The following CACNA1E variants were observed in gnomAD, a reference collection of about 807,000 sequenced individuals.
CACNA1E encodes calcium voltage-gated channel subunit alpha1 E, also known as voltage-dependent R-type calcium channel subunit alpha-1E.
CACNA1E carries 40 observed loss-of-function variants against 259.2 expected under a neutral mutation model. The ratio of observed to expected loss-of-function variants is 0.15; its 90% confidence interval spans 0.12 to 0.20. CACNA1E has a LOEUF of 0.20. Ranked by LOEUF, CACNA1E falls within the 10% of genes least tolerant of loss-of-function variation. The pLI is 1.00. For synonymous variants in CACNA1E, 1,104 were observed against 1,138.5 expected (o/e 0.97, Z 0.61); for missense variants, 1,874 against 3,040.1 (o/e 0.62, Z 9.02).
Position 181,793,745 on chromosome 1 carries a change from G to A in CACNA1E, c.5979G>A (p.Ala1993=), listed in dbSNP as rs201021616. 35 of 1,611,440 alleles carry A rather than the reference G, an allele frequency of 2.2e-5. 2 individuals are homozygous for A. Among genetic ancestry groups the A allele is most frequent in the East Asian group, 8.9e-5 (4 of 44,854 alleles). ...TTCCTTCGGACACCCAGGAGCATGC[G>A]GGATCTGGGAGGGCATCTTCTATGC... ...IYLPSDTQEH[A]GSGRASSMPR... is the part of the protein sequence containing the mutation. Residue 1993 remains alanine, a synonymous_variant, in exon 45 of 48, where the codon GCG becomes GCA. Transcript: ENST00000367573.
intron 2 of CACNA1E, among the ~76,000 whole-genome samples, chr1:181,414,731 T>A (rs1013826699): frequency 2.0e-5 from 3 of 152,226 alleles, no homozygotes; most frequent in African/African-American, 4.8e-5. Context: ...ATGTAACCAA[T>A]GAGGCACAGA....
At chr1:181,765,838 C>T (rs796936883) in intron 34 of CACNA1E, among the ~76,000 whole-genome samples, 2 of 152,334 alleles carry the variant, frequency 1.3e-5, no homozygotes, top group South Asian at 2.1e-4. Flanking sequence ...CAGTTCCCTG[C>T]CTCATATCTC....
intron 15 of CACNA1E, among the ~76,000 whole-genome samples, chr1:181,721,364 G>T (rs780940142): frequency 9.9e-5 from 15 of 152,168 alleles, no homozygotes; most frequent in Non-Finnish European, 1.9e-4. Flanking sequence ...TTCCTGAACT[G>T]CAGCCCACAA....
chr1:181,458,077 C>A (rs1370346166), intron 2 of CACNA1E, among the ~76,000 whole-genome samples: 1 of 152,214 alleles, frequency 6.6e-6, no homozygotes, highest in African/African-American at 2.4e-5. Flanking sequence ...CTTTTCCTGC[C>A]TTTATAGCAG....
chr1:181,576,273 ACC>A (rs1021558935), intron 3 of CACNA1E, among the ~76,000 whole-genome samples: 7 of 152,230 alleles, frequency 4.6e-5, no homozygotes, highest in African/African-American at 1.7e-4. Flanking sequence ...AATAACCTTT[ACC>A]CCATGTAGGA....
chr1:181,440,294 C>T (rs75196554), intron 2 of CACNA1E, among the ~76,000 whole-genome samples: 1,846 of 152,258 alleles, frequency 0.012, 34 homozygotes, highest in African/African-American at 0.039. Context: ...AACCTTACAT[C>T]AGTGATACCC....
intron 6 of CACNA1E, among the ~76,000 whole-genome samples, chr1:181,644,762 G>C (rs1224812834): frequency 1.3e-5 from 2 of 152,188 alleles, no homozygotes; most frequent in African/African-American, 4.8e-5. Flanking sequence ...ACTAGGCAAA[G>C]CCTCAGCCTG....
chr1:181,362,128 C>T (rs1394963281), intron 1 of CACNA1E, among the ~76,000 whole-genome samples: 1 of 152,194 alleles, frequency 6.6e-6, no homozygotes, highest in African/African-American at 2.4e-5. Flanking sequence ...CCTTAATGGA[C>T]CTTTTTCCAG....
chr1:181,701,415 C>T (rs1652244012), intron 7 of CACNA1E, among the ~76,000 whole-genome samples: 1 of 151,976 alleles, frequency 6.6e-6, no homozygotes, highest in Admixed American at 6.6e-5. Flanking sequence ...ATGAAATGCT[C>T]TTACTTCCCT....
chr1:181,748,817 G>T (rs748540585), intron 25 of CACNA1E, among the ~76,000 whole-genome samples: 6 of 152,128 alleles, frequency 3.9e-5, no homozygotes, highest in African/African-American at 1.2e-4. Context: ...AGTTTCAAAA[G>T]GTTGGCAACC....
chr1:181,680,105 C>CAAAAAA (rs56198008), intron 7 of CACNA1E, among the ~76,000 whole-genome samples: 1 of 78,504 alleles, frequency 1.3e-5, no homozygotes, highest in Admixed American at 1.5e-4. Flanking sequence ...GACCTTGTCT[C>CAAAAAA]AAAAAAAAAA....
At chr1:181,508,842 C>T (rs959203664) in intron 1 of CACNA1E, among the ~76,000 whole-genome samples, 1 of 152,046 alleles carries the variant, frequency 6.6e-6, no homozygotes, top group East Asian at 1.9e-4. Context: ...TGGGGAGGCT[C>T]CCCTCTGAGT....
In CACNA1E at chr1:181,758,052, T is replaced by C; in HGVS notation, c.4435T>C (p.Ser1479Pro). ...YRVWHFVVSP[S>P]FEYTIMAMIA... ...CGTGTGGCACTTTGTGGTGTCTCCG[T>C]CCTTTGAGTACACCATTATGGCCAT... Residue 1479 changes from serine to proline, a missense_variant, in exon 31 of 48, where the codon TCC (serine) becomes CCC (proline). Around this residue, in one of 14 missense-constraint regions of CACNA1E, gnomAD observed 188 missense variants for 540.6 expected, o/e 0.35. Coordinates refer to ENST00000367573, the MANE Select transcript of CACNA1E (RefSeq NM_001205293.3). This position sits in a 1 kb window ranked among gnomAD's most constrained non-coding sequence, Gnocchi z 4.2. The C allele has an allele frequency of 6.2e-7, 1 of 1,613,830 alleles. No individual in the cohort carries two copies. The highest frequency in any genetic ancestry group is 8.5e-7 in the Non-Finnish European group (1 of 1,179,818).
At chr1:181,593,187 A>G (rs1260570955) in intron 6 of CACNA1E, among the ~76,000 whole-genome samples, 6 of 151,098 alleles carry the variant, frequency 4.0e-5, no homozygotes, top group Non-Finnish European at 7.3e-5. Flanking sequence ...TACTATTTTT[A>G]TGACTTTTTG....
intron 6 of CACNA1E, among the ~76,000 whole-genome samples, chr1:181,602,619 T>C (rs897113550): frequency 6.6e-6 from 1 of 152,154 alleles, no homozygotes; most frequent in African/African-American, 2.4e-5. Context: ...TTTGTTCTAG[T>C]TACTGTTACT....
chr1:181,535,887 AT>A (rs1668135349), intron 3 of CACNA1E, among the ~76,000 whole-genome samples: 2 of 152,020 alleles, frequency 1.3e-5, no homozygotes, highest in South Asian at 4.2e-4. Flanking sequence ...GGGTTTCACC[AT>A]GTTGGCCAGG....
chr1:181,485,711 A>G lies in CACNA1E; in HGVS notation c.266+1701A>G, dbSNP rs976741810. On this transcript the variant is annotated intron_variant, in intron 1 of 47. Transcript: ENST00000367573. This position sits in a 1 kb window ranked among gnomAD's most constrained non-coding sequence, Gnocchi z 4.2. ...GTGCTGCGGCTGCAAATATTCCTCT[A>G]GGCAGTCTACGGATTTCCCAGCTGG... is the stretch of plus-strand genomic sequence containing the variant. 6.6e-6 allele frequency among the ~76,000 whole-genome samples: 1 copy of G among 152,142 alleles called. No individual in the cohort carries two copies. The highest frequency in any genetic ancestry group is 1.5e-5 in the Non-Finnish European group (1 of 68,012).
intron 2 of CACNA1E, among the ~76,000 whole-genome samples, chr1:181,437,054 G>A (rs1373920515): frequency 2.6e-5 from 4 of 152,008 alleles, no homozygotes; most frequent in Non-Finnish European, 4.4e-5. Context: ...ATTAAAACAC[G>A]AAAAACCAAG....
chr1:181,597,513 G>C (rs753289361), intron 6 of CACNA1E, among the ~76,000 whole-genome samples: 2 of 152,170 alleles, frequency 1.3e-5, no homozygotes, highest in Non-Finnish European at 2.9e-5. Flanking sequence ...AGGAAACGTG[G>C]ATAAACGTAC....
Sources: gnomAD v4.1 joint callset for allele counts (sites outside exome capture counted in the v4.1 genomes callset) on GRCh38, gnomAD v4.1.1 for gene constraint, gnomAD v4.1.1 regional missense constraint, Gnocchi (gnomAD v3.1) non-coding constraint, MANE v1.5 for transcripts, NCBI Gene and HGNC (gene_info 2026-07-23, HGNC 2026-07-21) for gene names.